KIF26B: variants seen among roughly 807,000 people sequenced by gnomAD.
KIF26B encodes kinesin-like protein KIF26B.
A neutral mutation model predicts 151.2 loss-of-function variants in KIF26B; 63 were observed. That is an observed-to-expected ratio of 0.42 (90% confidence interval 0.34 to 0.51). KIF26B has a LOEUF of 0.51. KIF26B is among the 20% of genes least tolerant of loss of function. KIF26B has a pLI of 0.07. For synonymous variants in KIF26B, 1,357 were observed against 1,262.1 expected, an observed-to-expected ratio of 1.08 and a Z score of -1.59; for missense variants, 2,813 against 2,913.6, an observed-to-expected ratio of 0.97 and a Z score of 0.79.
At position 245,698,308 on chromosome 1, in the gene KIF26B, G is replaced by A; in HGVS notation, c.6027G>A (p.Lys2009=). The change falls in exon 13 of 15, where the codon AAG becomes AAA. Residue 2009 remains lysine, a splice_region_variant and synonymous_variant. Transcript: ENST00000407071. The surrounding 1 kb of genome is among the most constrained non-coding windows in gnomAD (Gnocchi z 4.0). ...AGCGGCGACGAGGGGGTGCCAGCAA[G>A]GTGAGGCAGCCTCCTTCCCACCCCC... ...RLQRRRGGAS[K]EAMCFNAKLK... The A allele has an allele frequency of 1.2e-6, 2 of 1,612,582 alleles. No homozygotes were observed. The highest frequency in any genetic ancestry group is 8.5e-7 in the Non-Finnish European group (1 of 1,179,660).
intron 4 of KIF26B, among the ~76,000 whole-genome samples, chr1:245,445,469 C>G (rs565365650): frequency 1.0e-3 from 153 of 152,234 alleles, no homozygotes; most frequent in African/African-American, 3.1e-3. Context: ...GAGAGAAGTG[C>G]GTGCGTGCGC....
At chr1:245,645,371 C>G (rs77145384) in intron 9 of KIF26B, among the ~76,000 whole-genome samples, 1 of 152,296 alleles carries the variant, frequency 6.6e-6, no homozygotes, top group Non-Finnish European at 1.5e-5. Context: ...TTCTGCAAAT[C>G]TCTAGAGCTC....
intron 5 of KIF26B, among the ~76,000 whole-genome samples, chr1:245,589,372 T>C (rs1026158689): frequency 6.6e-6 from 1 of 152,150 alleles, no homozygotes; most frequent in African/African-American, 2.4e-5. Context: ...GCCTTTATGA[T>C]GAACTGAATG....
intron 3 of KIF26B, among the ~76,000 whole-genome samples, chr1:245,394,760 G>A (rs990446026): frequency 6.0e-5 from 8 of 134,242 alleles, no homozygotes; most frequent in South Asian, 2.2e-4. Flanking sequence ...GCACGATCTC[G>A]GCTCACCGCA....
At chr1:245,221,951 T>C (rs1669783221) in intron 2 of KIF26B, among the ~76,000 whole-genome samples, 1 of 152,226 alleles carries the variant, frequency 6.6e-6, no homozygotes, top group East Asian at 1.9e-4. Flanking sequence ...GAATCAAACA[T>C]GTTCAACTGC....
chr1:245,615,356 G>A lies in KIF26B; in HGVS notation c.2098+3380G>A, dbSNP rs560765480. On this transcript the variant is annotated intron_variant, in intron 9 of 14. Transcript: ENST00000407071. ...CAAACTGAGGACAACTCTGTTTTCG[G>A]TTTTGTACTTTTTTTCTTTTTTGCA... is the stretch of plus-strand genomic sequence containing the variant. 2.3e-4 allele frequency among the ~76,000 whole-genome samples: 35 copies of A among 152,266 alleles called. No individual in the cohort carries two copies. In the South Asian group the frequency reaches 6.6e-3, roughly 29 times the overall value.
chr1:245,418,093 G>A (rs1017751158), intron 3 of KIF26B, among the ~76,000 whole-genome samples: 3 of 152,200 alleles, frequency 2.0e-5, no homozygotes, highest in Admixed American at 6.5e-5. Flanking sequence ...TGGGGATGAC[G>A]GTGTGCATCG....
chr1:245,350,579 C>CTGT (rs1297926542), intron 2 of KIF26B, among the ~76,000 whole-genome samples: 5,455 of 152,174 alleles, frequency 0.036, 292 homozygotes, highest in African/African-American at 0.12. Flanking sequence ...TCTGGTCTAC[C>CTGT]ATATGACCTG....
chr1:245,611,883 C>G lies in KIF26B; in HGVS notation c.2005C>G (p.Gln669Glu). The G allele has an allele frequency of 6.2e-7, 1 of 1,613,878 alleles. No homozygotes were observed. Among genetic ancestry groups the G allele is most frequent in the Non-Finnish European group, 8.5e-7 (1 of 1,179,886 alleles). Residue 669 changes from glutamine (Q) to glutamate (E), a missense_variant, in exon 9 of 15, where the codon CAG becomes GAG. Gln to Glu is a conservative substitution (Grantham distance 29). Coordinates refer to ENST00000407071, the MANE Select transcript of KIF26B (RefSeq NM_018012.4). Reference protein sequence around the residue: ...AAIASRRSHQQDCDEDDHRNS... With the variant: ...AAIASRRSHQEDCDEDDHRNS... ...CATTGCCTCCCGCAGGAGCCACCAACAGGACTGTGATGAGGACGACCACCG... is the reference window on the plus strand; with the variant it reads ...CATTGCCTCCCGCAGGAGCCACCAAGAGGACTGTGATGAGGACGACCACCG...
chr1:245,648,210 C>T (rs184628916), intron 10 of KIF26B, among the ~76,000 whole-genome samples: 41 of 152,240 alleles, frequency 2.7e-4, no homozygotes, highest in East Asian at 1.9e-4. Context: ...TTCTGCAGGG[C>T]GACATGCTTT....
chr1:245,447,749 C>A (rs760032942), intron 4 of KIF26B, among the ~76,000 whole-genome samples: 4 of 152,152 alleles, frequency 2.6e-5, no homozygotes, highest in Non-Finnish European at 4.4e-5. Context: ...TGGCAGTGAC[C>A]CCACGACCCA....
chr1:245,205,661 GACAGA>G (rs1253278713), intron 2 of KIF26B, among the ~76,000 whole-genome samples: 1 of 151,918 alleles, frequency 6.6e-6, no homozygotes, highest in Non-Finnish European at 1.5e-5. Flanking sequence ...GTGCTGGGCT[GACAGA>G]ACAGAACAGT....
intron 4 of KIF26B, among the ~76,000 whole-genome samples, chr1:245,485,434 A>G (rs1419874776): frequency 7.0e-6 from 1 of 143,356 alleles, no homozygotes; most frequent in Non-Finnish European, 1.5e-5. Context: ...CCCAGGCTGG[A>G]GTGCAATGGC....
intron 5 of KIF26B, among the ~76,000 whole-genome samples, chr1:245,549,446 T>G (rs1405330750): frequency 7.2e-5 from 11 of 152,182 alleles, no homozygotes; most frequent in Non-Finnish European, 2.9e-5. Context: ...ATTACTGATA[T>G]CAGGAGAATG....
intron 5 of KIF26B, among the ~76,000 whole-genome samples, chr1:245,568,342 T>A (rs1340382164): frequency 6.6e-6 from 1 of 152,008 alleles, no homozygotes; most frequent in Non-Finnish European, 1.5e-5. Context: ...AGACTCTATC[T>A]CCACAAAAAA....
At chr1:245,389,717 T>A (rs1468321741) in intron 3 of KIF26B, among the ~76,000 whole-genome samples, 4 of 152,226 alleles carry the variant, frequency 2.6e-5, no homozygotes, top group African/African-American at 9.6e-5. Context: ...ATGTTGGTTT[T>A]TTCTATTAGT....
At chr1:245,579,576 G>T (rs947516386) in intron 5 of KIF26B, among the ~76,000 whole-genome samples, 1 of 152,222 alleles carries the variant, frequency 6.6e-6, no homozygotes, top group East Asian at 1.9e-4. Context: ...TTGGGAGGCT[G>T]AGGCGGGTGG....
chr1:245,470,477 C>T (rs1237426673), intron 4 of KIF26B, among the ~76,000 whole-genome samples: 4 of 152,204 alleles, frequency 2.6e-5, no homozygotes, highest in East Asian at 3.8e-4. Context: ...GTCGCCCAGG[C>T]TGGAGTGCAG....
chr1:245,400,852 C>A (rs751227969), intron 3 of KIF26B, among the ~76,000 whole-genome samples: 4 of 151,814 alleles, frequency 2.6e-5, no homozygotes, highest in Non-Finnish European at 5.9e-5. Context: ...TTGTGGCTCC[C>A]ATTATATTTC....
Sources: allele counts gnomAD v4.1 joint callset (sites outside exome capture counted in the v4.1 genomes callset), GRCh38; gene constraint gnomAD v4.1.1; non-coding constraint Gnocchi (gnomAD v3.1); transcripts MANE v1.5; gene names NCBI Gene and HGNC (gene_info 2026-07-23, HGNC 2026-07-21).